The following OSMR variants were observed in gnomAD, a reference collection of about 807,000 sequenced individuals.
The protein encoded by OSMR is oncostatin M receptor, also known as oncostatin-M-specific receptor subunit beta.
Under a neutral mutation model 99.9 loss-of-function variants are expected in OSMR, and 81 were observed. That is an observed-to-expected ratio of 0.81 (90% CI 0.68 to 0.97). The LOEUF (loss-of-function observed/expected upper bound fraction) is 0.97, where lower values mean the gene tolerates loss of function less well. Among genes scored for constraint, OSMR ranks in the 50% least tolerant of loss-of-function variants. The pLI, the probability that OSMR is intolerant of heterozygous loss-of-function variation, is 0.00. For missense variants in OSMR, 1,099 were observed against 1,153.4 expected (o/e 0.95, Z 0.68); for synonymous variants, 406 against 410.4 (o/e 0.99, Z 0.13).
At chr5:38,874,569 C>A (rs1484984696) in intron 2 of OSMR, among the ~76,000 whole-genome samples, 1 of 152,176 alleles carries the variant, frequency 6.6e-6, no homozygotes, top group African/African-American at 2.4e-5. Context: ...ACCAGGAATG[C>A]TCCTCAGTTT....
intron 1 of OSMR, among the ~76,000 whole-genome samples, chr5:38,862,755 A>G (rs1398056913): frequency 6.6e-6 from 1 of 151,094 alleles, no homozygotes; most frequent in Non-Finnish European, 1.5e-5. Flanking sequence ...CACTTCCCAG[A>G]CGGGGTGGCG....
At position 38,901,602 on chromosome 5, in the gene OSMR, C is replaced by A. The variant is rs572445412; in HGVS notation, c.992-2280C>A. Among the ~76,000 whole-genome samples, 114 of 152,270 alleles carry A rather than the reference C, an allele frequency of 7.5e-4. 1 individual carries two copies. The highest frequency in any genetic ancestry group is 4.7e-3 in the Admixed American group (72 of 15,306). ...GAGTTGCTGTTTAAAAGCGGTGTAT[C>A]TGGGGGCTGCTTCAAGCAACTTATA... On this transcript the variant is annotated intron_variant, in intron 7 of 17. Transcript: ENST00000274276.
intron 3 of OSMR, 88 bp downstream of exon 3, chr5:38,876,461 GT>G (rs1434366328): frequency 2.5e-5 from 28 of 1,110,354 alleles, no homozygotes; most frequent in Non-Finnish European, 3.7e-5. Context: ...AAAAATTCTC[GT>G]TTTGGAAATA....
chr5:38,886,316 T>C, intron 7 of OSMR, 126 bp downstream of exon 7: 28 of 1,553,786 alleles, frequency 1.8e-5, no homozygotes, highest in Non-Finnish European at 2.4e-5. Flanking sequence ...TTAGAATTTA[T>C]ACCTATTGTT....
Position 38,846,101 on chromosome 5 carries a change from G to A in OSMR, c.-300G>A, listed in dbSNP as rs1407264609. 4 of 152,190 alleles carry A rather than the reference G, an allele frequency of 2.6e-5. No individual in the cohort carries two copies. Among genetic ancestry groups the A allele is most frequent in the Non-Finnish European group, 4.4e-5 (3 of 68,182 alleles). The allele number at this position is 152,190 out of a possible 1,614,324, so 9.4% of individuals were successfully genotyped here. On this transcript the variant is annotated 5_prime_UTR_variant, in exon 1 of 18. Coordinates refer to ENST00000274276, the MANE Select transcript of OSMR (RefSeq NM_003999.3). ...CCACGCGCCGCCGAGGACTCGGCCC[G>A]GCTCGTGGAGCCCTTCGCCCGCGGC...
intron 1 of OSMR, chr5:38,942,219 A>C: frequency 2.7e-6 from 2 of 752,820 alleles, no homozygotes; most frequent in South Asian, 2.2e-5. Flanking sequence ...TTTGCTGCCT[A>C]GTCAGTCGTA....
chr5:38,922,255 C>G (rs1182946775), intron 12 of OSMR, among the ~76,000 whole-genome samples: 1 of 151,944 alleles, frequency 6.6e-6, no homozygotes, highest in African/African-American at 2.4e-5. Context: ...GTTTAGCAGT[C>G]AGAGGAGTGC....
chr5:38,917,761 C>T, intron 10 of OSMR, 139 bp downstream of exon 10: 1 of 689,432 alleles, frequency 1.5e-6, no homozygotes, highest in Non-Finnish European at 2.6e-6. Context: ...AATAGAATTT[C>T]TTACCTAGTA....
At position 38,862,523 on chromosome 5, in the gene OSMR, C is replaced by G. The variant is rs191934481; in HGVS notation, c.-13-6509C>G. 3.8e-3 allele frequency among the ~76,000 whole-genome samples: 548 copies of G among 145,066 alleles called. 5 individuals are homozygous for G. The highest frequency in any genetic ancestry group is 0.036 in the Middle Eastern group (9 of 250). ...GCGGAGGGGCTCCTCACTTCTCAGA[C>G]GGGGCAGTTGCCGGGCAGAGGGTCT... On this transcript the variant is annotated intron_variant, in intron 1 of 17. Coordinates refer to ENST00000274276, the MANE Select transcript of OSMR (RefSeq NM_003999.3).
intron 15 of OSMR, 37 bp downstream of exon 15, chr5:38,925,408 T>C (rs1369320671): frequency 6.4e-7 from 1 of 1,569,348 alleles, no homozygotes; most frequent in South Asian, 1.1e-5. Context: ...CCCTTAGGAG[T>C]TTCTGGGAAA....
chr5:38,861,986 T>C (rs1191230532), intron 1 of OSMR, among the ~76,000 whole-genome samples: 1 of 114,310 alleles, frequency 8.7e-6, no homozygotes, highest in Non-Finnish European at 1.8e-5. Flanking sequence ...CCCCCTCACC[T>C]CCCTCCCGGA....
chr5:38,874,371 A>C (rs1742637387), intron 2 of OSMR, among the ~76,000 whole-genome samples: 1 of 152,144 alleles, frequency 6.6e-6, no homozygotes, highest in African/African-American at 2.4e-5. Flanking sequence ...AAATATCACA[A>C]GGTAACTTTC....
intron 15 of OSMR, among the ~76,000 whole-genome samples, chr5:38,929,843 A>C (rs542918364): frequency 1.7e-3 from 264 of 152,364 alleles, no homozygotes; most frequent in Non-Finnish European, 3.1e-3. Flanking sequence ...TCATGCAAGA[A>C]GCTGCAATTC....
At chr5:38,928,419 A>G (rs1359020255) in intron 15 of OSMR, among the ~76,000 whole-genome samples, 1 of 152,200 alleles carries the variant, frequency 6.6e-6, no homozygotes, top group Non-Finnish European at 1.5e-5. Context: ...ACGGTTCTGC[A>G]TGGCTGAGGA....
chr5:38,938,381 T>C (rs1389431555), downstream of OSMR: 1 of 230,610 alleles, frequency 4.3e-6, no homozygotes, highest in Non-Finnish European at 8.6e-6. Flanking sequence ...TTTGTAACAA[T>C]TACCTATAAA....
intron 1 of OSMR, among the ~76,000 whole-genome samples, chr5:38,866,681 T>C (rs1741976417): frequency 6.8e-6 from 1 of 146,074 alleles, no homozygotes; most frequent in Admixed American, 7.0e-5. Flanking sequence ...TGTAGTCTTA[T>C]GGAGGTGGGC....
intron 9 of OSMR, among the ~76,000 whole-genome samples, chr5:38,916,523 G>A (rs1745905524): frequency 6.6e-6 from 1 of 152,086 alleles, no homozygotes; most frequent in African/African-American, 2.4e-5. Flanking sequence ...GTTAATATAT[G>A]CAAAACATTT....
intron 3 of OSMR, among the ~76,000 whole-genome samples, chr5:38,877,720 G>A (rs1742947946): frequency 1.3e-5 from 2 of 152,244 alleles, no homozygotes; most frequent in South Asian, 2.1e-4. Flanking sequence ...ACTTAGCACC[G>A]TTAGCAAAAA....
intron 1 of OSMR, chr5:38,942,776 A>C (rs777597835): frequency 3.6e-6 from 5 of 1,397,248 alleles, no homozygotes; most frequent in Non-Finnish European, 5.1e-6. Context: ...TTTTAATTCA[A>C]TTCAAACACA....
Sources: allele counts gnomAD v4.1 joint callset (sites outside exome capture counted in the v4.1 genomes callset), GRCh38; gene constraint gnomAD v4.1.1; transcripts MANE v1.5; gene names NCBI Gene and HGNC (gene_info 2026-07-23, HGNC 2026-07-21).